NECTIN1: variants seen among roughly 807,000 people sequenced by gnomAD.
The protein encoded by NECTIN1 is nectin-1.
NECTIN1 carries 23 observed loss-of-function variants against 48.0 expected under a neutral mutation model. That is an observed-to-expected ratio of 0.48 (90% CI 0.34 to 0.68). The LOEUF (loss-of-function observed/expected upper bound fraction) is 0.68. Ranked by LOEUF, NECTIN1 falls within the 30% of genes least tolerant of loss-of-function variation. The pLI, the probability that NECTIN1 is intolerant of heterozygous loss-of-function variation, is 0.01. For missense variants in NECTIN1, 591 were observed against 709.9 expected (o/e 0.83, Z 1.90); for synonymous variants, 270 against 288.9 (o/e 0.93, Z 0.66).
intron 1 of NECTIN1, among the ~76,000 whole-genome samples, chr11:119,721,214 C>T (rs971206651): frequency 3.9e-5 from 6 of 152,232 alleles, no homozygotes; most frequent in South Asian, 2.1e-4. Context: ...CGGAGAAGGC[C>T]GGCTCCCCAG....
intron 1 of NECTIN1, among the ~76,000 whole-genome samples, chr11:119,724,689 A>T (rs921560302): frequency 6.6e-6 from 1 of 152,226 alleles, no homozygotes; most frequent in African/African-American, 2.4e-5. Context: ...TCCCATAGTG[A>T]CCCACAGACA....
chr11:119,653,497 AC>A (rs1565378519), intron 5 of NECTIN1, among the ~76,000 whole-genome samples: 1 of 152,076 alleles, frequency 6.6e-6, no homozygotes, highest in East Asian at 1.9e-4. Context: ...GTTCCTCCAG[AC>A]CCGCGCCCCT....
intron 5 of NECTIN1, among the ~76,000 whole-genome samples, chr11:119,668,043 A>C (rs988183337): frequency 3.9e-5 from 6 of 152,206 alleles, no homozygotes; most frequent in Non-Finnish European, 8.8e-5. Context: ...AACATACTGG[A>C]ACATGAACCC....
rs544165493 is a variant in NECTIN1, at chr11:119,669,178, G to A, written c.1004-3881C>T. Among the ~76,000 whole-genome samples, 101 of 152,308 alleles carry A rather than the reference G, an allele frequency of 6.6e-4. 1 individual carries two copies. Among genetic ancestry groups the A allele is most frequent in the Admixed American group, 6.5e-3 (99 of 15,294 alleles). ...TGTAATCCCAGCACTTTGGGAGGCC[G>A]AGGCGGACGGATCACCTAAGGTCAG... On this transcript the variant is annotated intron_variant, in intron 5 of 5. Coordinates refer to ENST00000264025, the MANE Select transcript of NECTIN1 (RefSeq NM_002855.5).
chr11:119,710,316 G>A (rs575217904), intron 1 of NECTIN1, among the ~76,000 whole-genome samples: 6 of 152,280 alleles, frequency 3.9e-5, no homozygotes, highest in Admixed American at 3.3e-4. Context: ...CTCTAACACC[G>A]TACAAAGAAA....
downstream of NECTIN1, among the ~76,000 whole-genome samples, chr11:119,656,967 C>T (rs61030138): frequency 2.0e-5 from 3 of 152,126 alleles, no homozygotes; most frequent in African/African-American, 7.2e-5. Context: ...AGGGAACAAG[C>T]GCCTATAGGT....
At chr11:119,640,162 G>A in intron 5 of NECTIN1, 3 of 850,108 alleles carry the variant, frequency 3.5e-6, no homozygotes, top group East Asian at 2.7e-5. Context: ...CCAGTTCTAG[G>A]AGGGGCTCCC....
At chr11:119,660,478 G>A (rs2135538897), downstream of NECTIN1, among the ~76,000 whole-genome samples, 1 of 152,286 alleles carries the variant, frequency 6.6e-6, no homozygotes, top group South Asian at 2.1e-4. Context: ...AATAGAAGAT[G>A]AAAGGATAAA....
chr11:119,703,065 C>T (rs114354510), intron 1 of NECTIN1, among the ~76,000 whole-genome samples: 173 of 152,364 alleles, frequency 1.1e-3, no homozygotes, highest in African/African-American at 3.9e-3. Flanking sequence ...TGAGAACATG[C>T]ATGGCACCTG....
chr11:119,710,206 T>A (rs1395467849), intron 1 of NECTIN1, among the ~76,000 whole-genome samples: 1 of 152,190 alleles, frequency 6.6e-6, no homozygotes, highest in Admixed American at 6.5e-5. Context: ...CAAGCACACA[T>A]GTGCAGCTGA....
intron 5 of NECTIN1, among the ~76,000 whole-genome samples, chr11:119,646,569 T>TTAA (rs1409422921): frequency 6.6e-6 from 1 of 152,218 alleles, no homozygotes; most frequent in Non-Finnish European, 1.5e-5. Context: ...TTATTTTATT[T>TTAA]GATGCCCCCA....
chr11:119,646,732 C>T (rs1293154895), intron 5 of NECTIN1, among the ~76,000 whole-genome samples: 1 of 152,218 alleles, frequency 6.6e-6, no homozygotes, highest in Admixed American at 6.5e-5. Flanking sequence ...ATGCCCCCCA[C>T]TGCCTCCATC....
In NECTIN1 at chr11:119,683,436, A is replaced by G. The variant is rs910570843; in HGVS notation, c.80-4671T>C. 1.3e-5 allele frequency among the ~76,000 whole-genome samples: 2 copies of G among 152,160 alleles called. No individual in the cohort carries two copies. The highest frequency in any genetic ancestry group is 2.9e-5 in the Non-Finnish European group (2 of 68,024). ...TTCTGGGTGGTGTCCCTCCTAGAATATAACCTCAGTGCCTCCATTGCCCCT... is the reference window on the plus strand; with the variant it reads ...TTCTGGGTGGTGTCCCTCCTAGAATGTAACCTCAGTGCCTCCATTGCCCCT... On this transcript the variant is annotated intron_variant, in intron 1 of 5. Transcript: ENST00000264025. This position sits in a 1 kb window ranked among gnomAD's most constrained non-coding sequence, Gnocchi z 4.0.
At chr11:119,639,701 G>A (rs972657799) in intron 6 of NECTIN1, 5 of 856,766 alleles carry the variant, frequency 5.8e-6, no homozygotes, top group Non-Finnish European at 9.2e-6. Flanking sequence ...CACTCAGGAG[G>A]GTCAGCTCTT....
At chr11:119,721,850 T>A (rs1034220832) in intron 1 of NECTIN1, among the ~76,000 whole-genome samples, 12 of 152,186 alleles carry the variant, frequency 7.9e-5, no homozygotes, top group Admixed American at 7.9e-4. Context: ...TTGTTAGGCA[T>A]CCTCTATTCT....
chr11:119,643,799 A>G (rs1864358106), intron 5 of NECTIN1, among the ~76,000 whole-genome samples: 1 of 152,060 alleles, frequency 6.6e-6, no homozygotes, highest in South Asian at 2.1e-4. Flanking sequence ...TCTGGCTGTG[A>G]GCCGGGAGAG....
At chr11:119,725,211 C>A (rs550064451) in intron 1 of NECTIN1, among the ~76,000 whole-genome samples, 1 of 152,140 alleles carries the variant, frequency 6.6e-6, no homozygotes, top group South Asian at 2.1e-4. Context: ...GGGTTCTGGC[C>A]GGCTCAACCA....
chr11:119,656,917 G>A (rs1864583672), downstream of NECTIN1, among the ~76,000 whole-genome samples: 1 of 152,172 alleles, frequency 6.6e-6, no homozygotes, highest in Non-Finnish European at 1.5e-5. Context: ...CTCCAGCCTG[G>A]GCTCTTTCAT....
At chr11:119,648,729 G>A (rs1864449399) in intron 5 of NECTIN1, among the ~76,000 whole-genome samples, 1 of 152,028 alleles carries the variant, frequency 6.6e-6, no homozygotes, top group Non-Finnish European at 1.5e-5. Context: ...GGAGTGTCTG[G>A]GGTCTTTGTC....
Sources: gnomAD v4.1 joint callset for allele counts (sites outside exome capture counted in the v4.1 genomes callset) on GRCh38, gnomAD v4.1.1 for gene constraint, Gnocchi (gnomAD v3.1) non-coding constraint, MANE v1.5 for transcripts, NCBI Gene and HGNC (gene_info 2026-07-23, HGNC 2026-07-21) for gene names.